Variants in FCHSD2 observed in about 807,000 individuals in gnomAD.
FCHSD2 encodes F-BAR and double SH3 domains protein 2.
FCHSD2 carries 38 observed loss-of-function variants against 108.1 expected under a neutral mutation model. The observed-to-expected ratio is 0.35, with a 90% CI of 0.27 to 0.46. The LOEUF (loss-of-function observed/expected upper bound fraction) is 0.46. Ranked by LOEUF, FCHSD2 falls within the 20% of genes least tolerant of loss-of-function variation. The probability of loss-of-function intolerance (pLI) is 1.00; values close to 1 mark genes in which losing one functional copy is unlikely to be tolerated. For missense variants in FCHSD2, 751 were observed against 897.8 expected (o/e 0.84, Z 2.09); for synonymous variants, 279 against 314.7 (o/e 0.89, Z 1.20).
chr11:72,988,342 C>T (rs901000886), intron 6 of FCHSD2, among the ~76,000 whole-genome samples: 1 of 152,134 alleles, frequency 6.6e-6, no homozygotes, highest in African/African-American at 2.4e-5. Flanking sequence ...TGCTTTATAT[C>T]ACCTTCTATT....
chr11:73,091,473 C>T (rs1269386409), intron 2 of FCHSD2, among the ~76,000 whole-genome samples: 2 of 151,752 alleles, frequency 1.3e-5, no homozygotes, highest in East Asian at 1.9e-4. Context: ...CACTTGAACC[C>T]GGGAGGCAGA....
intron 14 of FCHSD2, among the ~76,000 whole-genome samples, chr11:72,844,903 T>C (rs769755751): frequency 1.3e-5 from 2 of 152,236 alleles, no homozygotes; most frequent in Non-Finnish European, 2.9e-5. Flanking sequence ...AAAATAATAT[T>C]GAGGAAAAAA....
At chr11:73,120,660 C>T (rs568262463) in intron 2 of FCHSD2, among the ~76,000 whole-genome samples, 93 of 151,952 alleles carry the variant, frequency 6.1e-4, no homozygotes, top group African/African-American at 2.1e-3. Context: ...TCTTGGAAGG[C>T]GGAGGCTGCA....
At chr11:73,004,806 T>TA (rs1857705776) in intron 4 of FCHSD2, among the ~76,000 whole-genome samples, 1 of 152,008 alleles carries the variant, frequency 6.6e-6, no homozygotes, top group Non-Finnish European at 1.5e-5. Flanking sequence ...CCAGCAAGGG[T>TA]ACTACATTTC....
intron 8 of FCHSD2, among the ~76,000 whole-genome samples, chr11:72,983,119 C>T (rs1312539479): frequency 6.6e-6 from 1 of 151,802 alleles, no homozygotes; most frequent in Non-Finnish European, 1.5e-5. Context: ...ACGGTGAAAC[C>T]CCGTCTCTAC....
intron 8 of FCHSD2, among the ~76,000 whole-genome samples, chr11:72,961,446 G>T (rs1274210750): frequency 6.6e-6 from 1 of 151,674 alleles, no homozygotes; most frequent in African/African-American, 2.4e-5. Flanking sequence ...TTAATAGATG[G>T]GGTCTCACTA....
intron 2 of FCHSD2, among the ~76,000 whole-genome samples, chr11:73,122,121 T>C (rs1203715385): frequency 6.6e-6 from 1 of 152,126 alleles, no homozygotes; most frequent in Non-Finnish European, 1.5e-5. Flanking sequence ...TGGGGTTTTC[T>C]CCTTTAGGTT....
At chr11:72,941,248 G>A (rs1025301973) in intron 8 of FCHSD2, 11 of 203,100 alleles carry the variant, frequency 5.4e-5, no homozygotes, top group African/African-American at 2.5e-4. Context: ...TGTGTCCCCA[G>A]TAAATGACAC....
intron 2 of FCHSD2, among the ~76,000 whole-genome samples, chr11:73,099,605 T>C (rs1403531711): frequency 2.0e-5 from 3 of 151,958 alleles, no homozygotes; most frequent in Admixed American, 6.5e-5. Context: ...TACAACCGAG[T>C]ATTATCCAGT....
At chr11:73,010,292 C>T (rs1857834325) in intron 4 of FCHSD2, among the ~76,000 whole-genome samples, 1 of 151,992 alleles carries the variant, frequency 6.6e-6, no homozygotes, top group African/African-American at 2.4e-5. Flanking sequence ...TCATTCATAT[C>T]CTGAATTGTT....
intron 3 of FCHSD2, among the ~76,000 whole-genome samples, chr11:73,030,301 T>C (rs1473591304): frequency 6.6e-6 from 1 of 152,100 alleles, no homozygotes; most frequent in Non-Finnish European, 1.5e-5. Flanking sequence ...TAGAAGTATG[T>C]ATAAGAGAAA....
At chr11:72,947,265 G>A (rs1235444394) in intron 8 of FCHSD2, among the ~76,000 whole-genome samples, 2 of 152,222 alleles carry the variant, frequency 1.3e-5, no homozygotes, top group Non-Finnish European at 2.9e-5. Flanking sequence ...GAAATGCTGT[G>A]TGTCACAAGA....
intron 3 of FCHSD2, among the ~76,000 whole-genome samples, chr11:73,016,312 A>C (rs912842053): frequency 6.6e-6 from 1 of 152,020 alleles, no homozygotes; most frequent in African/African-American, 2.4e-5. Flanking sequence ...CAAAAAAAAA[A>C]AAAAACAAAA....
At chr11:72,955,278 A>G (rs540024386) in intron 8 of FCHSD2, among the ~76,000 whole-genome samples, 1 of 152,322 alleles carries the variant, frequency 6.6e-6, no homozygotes, top group East Asian at 1.9e-4. Context: ...CATTTTATTT[A>G]TACTTACTCA....
At chr11:72,867,679 T>G (rs1384593765) in intron 13 of FCHSD2, among the ~76,000 whole-genome samples, 186 bp downstream of exon 13, 1 of 152,154 alleles carries the variant, frequency 6.6e-6, no homozygotes, top group Non-Finnish European at 1.5e-5. Flanking sequence ...AAAACACTCA[T>G]TTTTTCCTCT....
intron 3 of FCHSD2, among the ~76,000 whole-genome samples, chr11:73,042,217 A>C (rs907160875): frequency 6.6e-6 from 1 of 152,086 alleles, no homozygotes; most frequent in African/African-American, 2.4e-5. Context: ...GCGCCACTGC[A>C]CCCGGCTGAG....
chr11:72,878,239 T>C (rs925091930), intron 12 of FCHSD2, among the ~76,000 whole-genome samples: 2 of 152,154 alleles, frequency 1.3e-5, no homozygotes, highest in Non-Finnish European at 2.9e-5. Context: ...TGATTGTGCC[T>C]GTGAATAGTC....
chr11:72,984,871 A>G (rs941442510), intron 7 of FCHSD2, among the ~76,000 whole-genome samples, 191 bp downstream of exon 7: 18 of 152,358 alleles, frequency 1.2e-4, no homozygotes, highest in African/African-American at 3.1e-4. Flanking sequence ...TTGAGAAGCA[A>G]GTGTGTCCAA....
rs552544982 is a variant in FCHSD2 at position 72,897,915 on chromosome 11, C to T, written c.924+4628G>A. 1.4e-3 allele frequency among the ~76,000 whole-genome samples: 211 copies of T among 152,246 alleles called. 4 individuals carry two copies. In the South Asian group the frequency reaches 0.042, roughly 31 times the overall value. The stretch of plus-strand genomic sequence containing the variant: ...TGTATTTTACTTTTTCTAGAAAGAG[C>T]TCTGGCTTTCTGGTATCATCTGAGA... On this transcript the variant is annotated intron_variant, in intron 10 of 19. Coordinates refer to ENST00000409418, the MANE Select transcript of FCHSD2 (RefSeq NM_014824.3).
Sources: allele counts gnomAD v4.1 joint callset (sites outside exome capture counted in the v4.1 genomes callset), GRCh38; gene constraint gnomAD v4.1.1; transcripts MANE v1.5; gene names NCBI Gene and HGNC (gene_info 2026-07-23, HGNC 2026-07-21).